GFRA1: variants seen among roughly 807,000 people sequenced by gnomAD.
The protein encoded by GFRA1 is GDNF family receptor alpha-1.
Under a neutral mutation model 51.6 loss-of-function variants are expected in GFRA1, and 16 were observed. The ratio of observed to expected loss-of-function variants is 0.31; its 90% CI spans 0.21 to 0.47. The LOEUF (loss-of-function observed/expected upper bound fraction) is 0.47. Ranked by LOEUF, GFRA1 falls within the 20% of genes least tolerant of loss-of-function variation. GFRA1 has a pLI of 1.00. For synonymous variants in GFRA1, 270 were observed against 241.3 expected (o/e 1.12, Z -1.10); for missense variants, 530 against 594.3 (o/e 0.89, Z 1.13).
At chr10:116,254,529 A>G (rs984056411) in intron 4 of GFRA1, among the ~76,000 whole-genome samples, 1 of 151,874 alleles carries the variant, frequency 6.6e-6, no homozygotes, top group Non-Finnish European at 1.5e-5. Flanking sequence ...AGAAGAAGAA[A>G]AAAAGAAAGA....
intron 4 of GFRA1, among the ~76,000 whole-genome samples, chr10:116,231,237 T>G (rs1252582330): frequency 1.3e-5 from 2 of 152,286 alleles, no homozygotes; most frequent in African/African-American, 4.8e-5. Context: ...CCTGTCCTAA[T>G]GACTTTGTCC....
chr10:116,161,932 G>A (rs1156756969), intron 5 of GFRA1, among the ~76,000 whole-genome samples: 1 of 152,222 alleles, frequency 6.6e-6, no homozygotes, highest in African/African-American at 2.4e-5. Context: ...GTACAAACAA[G>A]AAGCACCATT....
At chr10:116,180,700 G>C (rs1227628812) in intron 5 of GFRA1, among the ~76,000 whole-genome samples, 1 of 151,894 alleles carries the variant, frequency 6.6e-6, no homozygotes, top group African/African-American at 2.4e-5. Context: ...TTCTTTCATG[G>C]TTTCTTTTTA....
chr10:116,120,098 A>C (rs114522222), intron 6 of GFRA1, among the ~76,000 whole-genome samples: 2,092 of 152,342 alleles, frequency 0.014, 48 homozygotes, highest in African/African-American at 0.048. Flanking sequence ...ATTTCATCAA[A>C]GCCACCACTC....
chr10:116,213,815 A>T (rs1965373295), intron 4 of GFRA1, among the ~76,000 whole-genome samples: 1 of 152,122 alleles, frequency 6.6e-6, no homozygotes, highest in Admixed American at 6.5e-5. Flanking sequence ...TCCCAAGGGC[A>T]CACTGAGGCC....
intron 5 of GFRA1, among the ~76,000 whole-genome samples, chr10:116,185,227 T>C (rs114274542): frequency 0.03 from 4,563 of 151,768 alleles, 88 homozygotes; most frequent in African/African-American, 0.059. Context: ...AACTTTGTGA[T>C]ATTGGATGCC....
At chr10:116,238,261 G>A (rs1967063803) in intron 4 of GFRA1, among the ~76,000 whole-genome samples, 1 of 152,118 alleles carries the variant, frequency 6.6e-6, no homozygotes, top group African/African-American at 2.4e-5. Context: ...AGGCCCTGGG[G>A]AACGCCGCCT....
chr10:116,247,363 C>T (rs973985650), intron 4 of GFRA1, among the ~76,000 whole-genome samples: 5 of 152,188 alleles, frequency 3.3e-5, no homozygotes, highest in Non-Finnish European at 7.3e-5. Context: ...TCTCCTCTTG[C>T]CTATTTACAG....
chr10:116,271,924 G>A, intron 2 of GFRA1, 66 bp downstream of exon 2: 2 of 1,273,310 alleles, frequency 1.6e-6, no homozygotes, highest in Non-Finnish European at 2.2e-6. Context: ...GGGCGGGGTG[G>A]GCTGCTGCAA....
At chr10:116,064,610 A>ACT in intron 10 of GFRA1, 66 bp from the exon 11 acceptor site, 3 of 1,442,316 alleles carry the variant, frequency 2.1e-6, no homozygotes, top group East Asian at 2.3e-5. Flanking sequence ...TATACTTTAC[A>ACT]CTCTCTCTCC....
intron 4 of GFRA1, among the ~76,000 whole-genome samples, chr10:116,268,621 C>A (rs1969855537): frequency 6.6e-6 from 1 of 152,042 alleles, no homozygotes; most frequent in African/African-American, 2.4e-5. Context: ...ACACTCTCAT[C>A]AGTTACAAAC....
chr10:116,143,069 T>C (rs966066542), intron 5 of GFRA1, among the ~76,000 whole-genome samples: 1 of 152,214 alleles, frequency 6.6e-6, no homozygotes, highest in Admixed American at 6.5e-5. Flanking sequence ...CTTTAATTGC[T>C]GCCAGTGCTG....
intron 5 of GFRA1, among the ~76,000 whole-genome samples, chr10:116,173,490 A>C (rs1382679340): frequency 6.6e-6 from 1 of 152,164 alleles, no homozygotes; most frequent in Non-Finnish European, 1.5e-5. Flanking sequence ...CCTACACAAC[A>C]TTGCCTCTGG....
chr10:116,084,540 A>G (rs1380916708), intron 9 of GFRA1, among the ~76,000 whole-genome samples: 1 of 152,150 alleles, frequency 6.6e-6, no homozygotes, highest in African/African-American at 2.4e-5. Flanking sequence ...TTCCAGGGGC[A>G]AGGGGCTGAA....
chr10:116,254,715 A>G (rs1968688165), intron 4 of GFRA1, among the ~76,000 whole-genome samples: 1 of 152,196 alleles, frequency 6.6e-6, no homozygotes, highest in Non-Finnish European at 1.5e-5. Context: ...CTTCAAGACT[A>G]AAGTGGACGT....
rs529985227 is a variant in GFRA1, at chr10:116,202,480, G to C, written c.433+9151C>G. Among the ~76,000 whole-genome samples the C allele has an allele frequency of 3.3e-5, 5 of 152,242 alleles. No homozygotes were observed. The South Asian group carries it at 1.0e-3, about 32-fold the overall frequency. On this transcript the variant is annotated intron_variant, in intron 5 of 10. Transcript: ENST00000355422. Reference sequence around the variant, plus strand: ...CTCTCCCCACACACACCAGAGACAAGCACCTTGTATTGGTCCATTCTCACC... The same window carrying C: ...CTCTCCCCACACACACCAGAGACAACCACCTTGTATTGGTCCATTCTCACC...
chr10:116,264,034 A>G (rs574463983), intron 4 of GFRA1, among the ~76,000 whole-genome samples: 1 of 152,284 alleles, frequency 6.6e-6, no homozygotes, highest in South Asian at 2.1e-4. Context: ...TGGACATGCT[A>G]AGTTTGAGTT....
intron 4 of GFRA1, among the ~76,000 whole-genome samples, chr10:116,267,949 AC>A (rs747529819): frequency 0.073 from 7,076 of 97,408 alleles, 198 homozygotes; most frequent in South Asian, 0.12. Flanking sequence ...TAACACACAC[AC>A]ACACACACAC....
chr10:116,090,855 C>A (rs1433187887), intron 8 of GFRA1, among the ~76,000 whole-genome samples: 1 of 152,044 alleles, frequency 6.6e-6, no homozygotes, highest in Non-Finnish European at 1.5e-5. Flanking sequence ...ATAATTTAAG[C>A]CTAATCTTCC....
Sources: gnomAD v4.1 joint callset for allele counts (sites outside exome capture counted in the v4.1 genomes callset) on GRCh38, gnomAD v4.1.1 for gene constraint, MANE v1.5 for transcripts, NCBI Gene and HGNC (gene_info 2026-07-23, HGNC 2026-07-21) for gene names.